The following PTPN11 variants were observed in gnomAD, a reference collection of about 807,000 sequenced individuals.
PTPN11 encodes tyrosine-protein phosphatase non-receptor type 11.
In PTPN11, 6 loss-of-function variants were observed where a neutral mutation model predicts 78.8. The observed-to-expected ratio is 0.08, with a 90% CI of 0.04 to 0.15. The LOEUF (loss-of-function observed/expected upper bound fraction) is 0.15. Among genes scored for constraint, PTPN11 ranks in the 10% least tolerant of loss-of-function variants. The probability of loss-of-function intolerance (pLI) is 1.00; values close to 1 mark genes in which losing one functional copy is unlikely to be tolerated. For synonymous variants in PTPN11, 221 were observed against 263.5 expected, an observed-to-expected ratio of 0.84 and a Z score of 1.56; for missense variants, 386 against 744.8, an observed-to-expected ratio of 0.52 and a Z score of 5.61.
intron 6 of PTPN11, among the ~76,000 whole-genome samples, chr12:112,471,119 CTG>C (rs1239399497): frequency 1.3e-5 from 2 of 152,152 alleles, no homozygotes; most frequent in Non-Finnish European, 2.9e-5. Context: ...CATTTTGAAA[CTG>C]AGCGTCAAAT....
At chr12:112,483,352 C>T (rs2038626490) in intron 10 of PTPN11, among the ~76,000 whole-genome samples, 1 of 152,104 alleles carries the variant, frequency 6.6e-6, no homozygotes, top group African/African-American at 2.4e-5. Flanking sequence ...CCATGCCCAC[C>T]CAATTGTTAA....
intron 13 of PTPN11, among the ~76,000 whole-genome samples, chr12:112,496,867 T>C (rs929272750): frequency 6.6e-6 from 1 of 152,196 alleles, no homozygotes; most frequent in Non-Finnish European, 1.5e-5. Context: ...GTGAATCATA[T>C]TGCAGGACAG....
At chr12:112,439,997 C>T (rs1171234199) in intron 1 of PTPN11, among the ~76,000 whole-genome samples, 1 of 152,052 alleles carries the variant, frequency 6.6e-6, no homozygotes, top group East Asian at 1.9e-4. Flanking sequence ...TTTTAATTAG[C>T]TTATGTAGGT....
chr12:112,500,399 T>C, intron 13 of PTPN11, among the ~76,000 whole-genome samples: 1 of 152,234 alleles, frequency 6.6e-6, no homozygotes, highest in East Asian at 1.9e-4. Context: ...AATGGTTATT[T>C]ACAAGTCTTT....
At chr12:112,434,279 C>T (rs1303207737) in intron 1 of PTPN11, among the ~76,000 whole-genome samples, 2 of 151,606 alleles carry the variant, frequency 1.3e-5, no homozygotes, top group Non-Finnish European at 2.9e-5. Context: ...GACCCTGTCT[C>T]TAAAAACAAC....
At position 112,482,415 on chromosome 12, in the gene PTPN11, C is replaced by T. The variant is rs534469818; in HGVS notation, c.1224+210C>T. ...AGGCAGGTAGTGTTCCTGCCCTCAT[C>T]GAGCCTAGGGAGATAGACAATTTAA... is the stretch of plus-strand genomic sequence containing the variant. On this transcript the variant is annotated intron_variant, in intron 10 of 15. Coordinates refer to ENST00000351677, the MANE Select transcript of PTPN11 (RefSeq NM_002834.5). The surrounding 1 kb of genome is among the most constrained non-coding windows in gnomAD (Gnocchi z 4.4). Among the ~76,000 whole-genome samples the T allele has an allele frequency of 8.5e-5, 13 of 152,288 alleles. No individual in the cohort carries two copies. In the East Asian group the frequency reaches 1.4e-3, roughly 16 times the overall value.
intron 6 of PTPN11, among the ~76,000 whole-genome samples, chr12:112,464,703 G>A (rs1337193862): frequency 1.3e-5 from 2 of 151,820 alleles, no homozygotes; most frequent in African/African-American, 4.8e-5. Context: ...GGGATTACAG[G>A]TGTGAGCCAC....
rs150154839 is a variant in PTPN11, at chr12:112,446,224, A to C, written c.15-52A>C. On this transcript the variant is annotated intron_variant, in intron 1 of 15. Transcript: ENST00000351677. ...TCTTAGCTGTGTTGTTGTGGAAAGT[A>C]GTGCTGACAGTGTCTTGTTTTTTTA... 1.9e-6 allele frequency: 3 copies of C among 1,607,886 alleles called. No individual in the cohort carries two copies. The East Asian group carries it at 6.7e-5, about 36-fold the overall frequency.
chr12:112,454,693 GA>G lies in PTPN11; in HGVS notation c.642+16del. The G allele has an allele frequency of 6.3e-7, 1 of 1,578,544 alleles. No individual in the cohort carries two copies. Reference sequence around the variant, plus strand: ...ACAACTCAAGCAGGTGAGCAGATTGGAAAGCTCAAGCTTTCTCCTTAAAAAC... The same window carrying G: ...ACAACTCAAGCAGGTGAGCAGATTGGAAGCTCAAGCTTTCTCCTTAAAAAC... On this transcript the variant is annotated intron_variant, in intron 5 of 15. Transcript: ENST00000351677.
chr12:112,482,917 C>T lies in PTPN11; in HGVS notation c.1224+712C>T, dbSNP rs2038618851. Among the ~76,000 whole-genome samples the T allele has an allele frequency of 6.6e-6, 1 of 152,132 alleles. No homozygotes were observed. The highest frequency in any genetic ancestry group is 2.4e-5 in the African/African-American group (1 of 41,412). On this transcript the variant is annotated intron_variant, in intron 10 of 15. Coordinates refer to ENST00000351677, the MANE Select transcript of PTPN11 (RefSeq NM_002834.5). This position sits in a 1 kb window ranked among gnomAD's most constrained non-coding sequence, Gnocchi z 4.4. ...TGATTTGTTTTCTTCTGGATGTGTT[C>T]AGCTGGGCATCTGAACAGTCATGTG... is the stretch of plus-strand genomic sequence containing the variant.
At chr12:112,467,228 A>G (rs1430060931) in intron 6 of PTPN11, among the ~76,000 whole-genome samples, 6 of 152,202 alleles carry the variant, frequency 3.9e-5, no homozygotes, top group African/African-American at 1.4e-4. Flanking sequence ...GGATCAGGAC[A>G]TTGACTTTCT....
At chr12:112,477,821 T>C in intron 8 of PTPN11, 36 bp from the exon 9 acceptor site, 1 of 1,612,832 alleles carries the variant, frequency 6.2e-7, no homozygotes, top group African/African-American at 1.3e-5. Context: ...AAAGTAACTT[T>C]AAGGTGTTTG....
intron 1 of PTPN11, among the ~76,000 whole-genome samples, 193 bp from the exon 2 acceptor site, chr12:112,446,083 C>T (rs1357854941): frequency 6.6e-6 from 1 of 152,088 alleles, no homozygotes. Flanking sequence ...TACTGAATCC[C>T]AGGTCTCTAC....
At chr12:112,480,304 T>G (rs1368740619) in intron 9 of PTPN11, among the ~76,000 whole-genome samples, 1 of 151,748 alleles carries the variant, frequency 6.6e-6, no homozygotes, top group African/African-American at 2.4e-5. Context: ...GGTGTTTGGA[T>G]CTACAAAATA....
intron 6 of PTPN11, among the ~76,000 whole-genome samples, chr12:112,464,028 C>A (rs2038288659): frequency 6.6e-6 from 1 of 152,312 alleles, no homozygotes; most frequent in Admixed American, 6.5e-5. Flanking sequence ...AAAGCATTAT[C>A]ATTTTAGTGA....
intron 1 of PTPN11, among the ~76,000 whole-genome samples, chr12:112,430,739 C>CT (rs891772888): frequency 6.2e-4 from 89 of 142,744 alleles, no homozygotes; most frequent in African/African-American, 1.1e-3. Context: ...AATTTTTTTT[C>CT]TTTTTTTTTT....
At chr12:112,475,356 A>G (rs1592845630) in intron 7 of PTPN11, among the ~76,000 whole-genome samples, 1 of 152,266 alleles carries the variant, frequency 6.6e-6, no homozygotes, top group African/African-American at 2.4e-5. Context: ...AAAAAAAAAG[A>G]AAAAGAAAAA....
intron 1 of PTPN11, among the ~76,000 whole-genome samples, chr12:112,433,630 A>G (rs761141099): frequency 4.5e-4 from 68 of 152,346 alleles, no homozygotes; most frequent in Non-Finnish European, 4.9e-4. Flanking sequence ...GCACATTCAT[A>G]CAATGGGGTA....
At chr12:112,443,337 A>G (rs1421084012) in intron 1 of PTPN11, among the ~76,000 whole-genome samples, 1 of 150,428 alleles carries the variant, frequency 6.6e-6, no homozygotes, top group Non-Finnish European at 1.5e-5. Flanking sequence ...GCATCCCGCC[A>G]AACTCCTCTT....
Sources: gnomAD v4.1 joint callset for allele counts (sites outside exome capture counted in the v4.1 genomes callset) on GRCh38, gnomAD v4.1.1 for gene constraint, Gnocchi (gnomAD v3.1) non-coding constraint, MANE v1.5 for transcripts, NCBI Gene and HGNC (gene_info 2026-07-23, HGNC 2026-07-21) for gene names.